The following BAIAP2 variants were observed in gnomAD, a reference collection of about 807,000 sequenced individuals.
BAIAP2 encodes the protein BAR/IMD domain containing adaptor protein 2, also known as BAR/IMD domain-containing adapter protein 2.
Under a neutral mutation model 63.0 loss-of-function variants are expected in BAIAP2, and 18 were observed. The ratio of observed to expected loss-of-function variants is 0.29; its 90% CI spans 0.20 to 0.42. BAIAP2 has a LOEUF of 0.42. Among genes scored for constraint, BAIAP2 ranks in the 10% least tolerant of loss-of-function variants. The pLI is 1.00. For synonymous variants in BAIAP2, 386 were observed against 307.6 expected (o/e 1.25, Z -2.67); for missense variants, 610 against 734.3 (o/e 0.83, Z 1.96).
chr17:81,060,010 G>C (rs899181377), intron 3 of BAIAP2, among the ~76,000 whole-genome samples: 2 of 152,202 alleles, frequency 1.3e-5, no homozygotes, highest in Admixed American at 6.5e-5. Context: ...AAGAGAGGGA[G>C]ACGTGAGGGC....
chr17:81,092,164 C>T (rs892780856), intron 6 of BAIAP2, among the ~76,000 whole-genome samples: 9 of 152,244 alleles, frequency 5.9e-5, no homozygotes, highest in Non-Finnish European at 1.2e-4. Context: ...AGAAACCTGG[C>T]GCCAGCTGCA....
intron 3 of BAIAP2, among the ~76,000 whole-genome samples, chr17:81,071,773 C>T (rs2052711394): frequency 6.6e-6 from 1 of 152,270 alleles, no homozygotes; most frequent in Non-Finnish European, 1.5e-5. Context: ...CCACGAGCTG[C>T]TGTGGCTCAC....
intron 7 of BAIAP2, among the ~76,000 whole-genome samples, chr17:81,102,157 A>G (rs1481494406): frequency 6.6e-6 from 1 of 152,154 alleles, no homozygotes; most frequent in Non-Finnish European, 1.5e-5. Context: ...AGACCCACTT[A>G]GAGACGAGCC....
At chr17:81,088,032 G>A (rs1189846853) in intron 6 of BAIAP2, among the ~76,000 whole-genome samples, 3 of 152,054 alleles carry the variant, frequency 2.0e-5, no homozygotes, top group African/African-American at 7.2e-5. Flanking sequence ...AGTTGAGGAG[G>A]AGAAATAGGT....
Position 81,116,129 on chromosome 17 carries a change from C to A in BAIAP2, c.*290C>A, listed in dbSNP as rs543266470. 2.9e-5 allele frequency: 46 copies of A among 1,581,212 alleles called. 1 individual carries two copies. The Admixed American group carries it at 6.0e-4, about 21-fold the overall frequency. On this transcript the variant is annotated 3_prime_UTR_variant, in exon 14 of 14. Transcript: ENST00000428708. ...CACATGGCCATGGAGCCTTGGGTAC[C>A]CCTGAGTTAAGGGAGGACATTTGGC...
intron 6 of BAIAP2, among the ~76,000 whole-genome samples, chr17:81,094,349 G>C (rs1050547501): frequency 2.0e-5 from 3 of 152,190 alleles, no homozygotes; most frequent in Admixed American, 2.0e-4. Flanking sequence ...CTGTGGGTCT[G>C]TTGGGACCTG....
intron 3 of BAIAP2, among the ~76,000 whole-genome samples, chr17:81,071,137 A>C (rs1472613834): frequency 6.6e-6 from 1 of 150,812 alleles, no homozygotes; most frequent in Admixed American, 6.6e-5. Context: ...CGCTGGCCAC[A>C]TTCCATTTTT....
Position 81,055,787 on chromosome 17 carries a change from G to A in BAIAP2, c.130+2044G>A, listed in dbSNP as rs537366224. ...TCACTGTGTTAGCCAGGATGGTCTCGATCTCCTGACCTCGTGATCCGCCCG... is the reference window on the plus strand; with the variant it reads ...TCACTGTGTTAGCCAGGATGGTCTCAATCTCCTGACCTCGTGATCCGCCCG... On this transcript the variant is annotated intron_variant, in intron 2 of 13. Transcript: ENST00000428708. Among the ~76,000 whole-genome samples the A allele has an allele frequency of 7.2e-5, 11 of 151,926 alleles. No homozygotes were observed. In the South Asian group the frequency reaches 8.3e-4, roughly 11 times the overall value.
Position 81,035,241 on chromosome 17 carries a change from CG to C in BAIAP2, c.-11del. The C allele has an allele frequency of 1.3e-6, 2 of 1,506,966 alleles. No individual in the cohort carries two copies. Among genetic ancestry groups the C allele is most frequent in the Non-Finnish European group, 1.8e-6 (2 of 1,122,188 alleles). The allele number at this position is 1,506,966 out of a possible 1,614,324, so 93.3% of individuals were successfully genotyped here. On this transcript the variant is annotated 5_prime_UTR_variant, in exon 1 of 14. Transcript: ENST00000428708. ...CCCCCGCTCCGGTCTGTGGTGCAGC[CG>C]GGACCCAGGACCATGTCTCTGTCTC... is the stretch of plus-strand genomic sequence containing the variant.
chr17:81,111,293 G>A (rs575790456), intron 13 of BAIAP2, among the ~76,000 whole-genome samples: 132 of 152,368 alleles, frequency 8.7e-4, no homozygotes, highest in African/African-American at 3.0e-3. Flanking sequence ...GGGTGACCCC[G>A]GCAAGCAGCT....
At chr17:81,085,163 G>T in intron 4 of BAIAP2, 1 of 554,240 alleles carries the variant, frequency 1.8e-6, no homozygotes, top group South Asian at 2.0e-5. Flanking sequence ...CGCAGCCCCA[G>T]CCAGACCCCA....
chr17:81,066,085 C>T (rs546201450), intron 3 of BAIAP2, among the ~76,000 whole-genome samples: 1 of 152,374 alleles, frequency 6.6e-6, no homozygotes, highest in South Asian at 2.1e-4. Flanking sequence ...GGCCCTGCCA[C>T]GGAACACCTG....
intron 3 of BAIAP2, among the ~76,000 whole-genome samples, chr17:81,077,140 G>A (rs1455320838): frequency 1.3e-5 from 2 of 152,230 alleles, no homozygotes; most frequent in Non-Finnish European, 1.5e-5. Context: ...CCCGGAGCTA[G>A]GGGGCAACTC....
intron 6 of BAIAP2, among the ~76,000 whole-genome samples, chr17:81,094,450 C>G (rs2057312316): frequency 6.6e-6 from 1 of 152,178 alleles, no homozygotes; most frequent in Admixed American, 6.5e-5. Context: ...GATCCCTGAT[C>G]CTGCCAAAGT....
intron 2 of BAIAP2, among the ~76,000 whole-genome samples, chr17:81,055,659 G>A (rs576688148): frequency 3.2e-4 from 47 of 147,496 alleles, no homozygotes; most frequent in Non-Finnish European, 6.1e-4. Flanking sequence ...TCTGCCTCCC[G>A]GGTTCACGCC....
intron 7 of BAIAP2, among the ~76,000 whole-genome samples, chr17:81,101,608 C>T (rs950090260): frequency 6.6e-6 from 1 of 151,512 alleles, no homozygotes; most frequent in African/African-American, 2.4e-5. Context: ...CCCCACCCAC[C>T]ACACTCTCAT....
intron 8 of BAIAP2, 60 bp from the exon 9 acceptor site, chr17:81,103,847 C>T: frequency 6.2e-7 from 1 of 1,601,752 alleles, no homozygotes; most frequent in African/African-American, 1.3e-5. Context: ...GGTTCTCTTT[C>T]CCCCTGGTCT....
chr17:81,088,702 G>A (rs2056164827), intron 6 of BAIAP2, among the ~76,000 whole-genome samples: 1 of 152,152 alleles, frequency 6.6e-6, no homozygotes, highest in African/African-American at 2.4e-5. Context: ...TTACTGTCGG[G>A]GGTCAGCCTT....
intron 1 of BAIAP2, among the ~76,000 whole-genome samples, chr17:81,042,874 T>TTTAATTTAA (rs1555652535): frequency 3.5e-4 from 52 of 148,976 alleles, no homozygotes; most frequent in Admixed American, 8.0e-4. Context: ...GGGGCTTTTA[T>TTTAATTTAA]TTTAATTTAA....
Sources: gnomAD v4.1 joint callset for allele counts (sites outside exome capture counted in the v4.1 genomes callset) on GRCh38, gnomAD v4.1.1 for gene constraint, MANE v1.5 for transcripts, NCBI Gene and HGNC (gene_info 2026-07-23, HGNC 2026-07-21) for gene names.